Variants in GALNT9 observed in about 807,000 individuals in gnomAD.
The protein encoded by GALNT9 is GalNAc transferase 9.
GALNT9 carries 47 observed loss-of-function variants against 63.1 expected under a neutral mutation model. The ratio of observed to expected loss-of-function variants is 0.75; its 90% CI spans 0.59 to 0.95. The LOEUF (loss-of-function observed/expected upper bound fraction) is 0.95. Ranked by LOEUF, GALNT9 falls within the 40% of genes least tolerant of loss-of-function variation. The probability of loss-of-function intolerance (pLI) is 0.00; values close to 1 mark genes in which losing one functional copy is unlikely to be tolerated. For missense variants in GALNT9, 829 were observed against 874.8 expected (o/e 0.95, Z 0.66); for synonymous variants, 396 against 365.7 (o/e 1.08, Z -0.94).
intron 6 of GALNT9, among the ~76,000 whole-genome samples, chr12:132,216,963 G>A (rs1006510131): frequency 1.3e-5 from 2 of 152,194 alleles, no homozygotes; most frequent in Non-Finnish European, 2.9e-5. Flanking sequence ...TGGGTGTTGT[G>A]ATCCACTAAA....
At chr12:132,308,420 C>T (rs1047226929) in intron 1 of GALNT9, among the ~76,000 whole-genome samples, 10 of 152,350 alleles carry the variant, frequency 6.6e-5, no homozygotes, top group Middle Eastern at 6.8e-3. Flanking sequence ...CGGGCCCCAG[C>T]GCTGCCCTTG....
At chr12:132,203,783 C>T in intron 6 of GALNT9, 93 bp from the exon 7 acceptor site, 2 of 1,378,982 alleles carry the variant, frequency 1.5e-6, no homozygotes, top group South Asian at 2.5e-5. Context: ...AGGGGCCCGG[C>T]CCTCTGTTCC....
chr12:132,292,671 A>C (rs2135567997), intron 1 of GALNT9, among the ~76,000 whole-genome samples: 1 of 152,344 alleles, frequency 6.6e-6, no homozygotes, highest in Non-Finnish European at 1.5e-5. Flanking sequence ...ACCAGGCTCC[A>C]CTGCCTCCTG....
intron 1 of GALNT9, among the ~76,000 whole-genome samples, chr12:132,321,437 C>T (rs188576600): frequency 3.7e-4 from 56 of 152,312 alleles, no homozygotes; most frequent in Middle Eastern, 3.4e-3. Context: ...AGTGCCCCCA[C>T]AAAACAGGCA....
intron 6 of GALNT9, among the ~76,000 whole-genome samples, chr12:132,215,679 C>T (rs10736919): frequency 0.59 from 90,310 of 152,124 alleles, 27,006 homozygotes; most frequent in East Asian, 0.78. Context: ...AACCAGCACC[C>T]GGGTCCCACG....
chr12:132,309,628 T>C (rs1555244991), intron 1 of GALNT9, among the ~76,000 whole-genome samples: 1 of 152,202 alleles, frequency 6.6e-6, no homozygotes. Context: ...ATGCCACGAC[T>C]GCCCAGTGTC....
At chr12:132,206,702 G>A (rs1041197356) in intron 6 of GALNT9, among the ~76,000 whole-genome samples, 1 of 151,606 alleles carries the variant, frequency 6.6e-6, no homozygotes, top group Admixed American at 6.6e-5. Context: ...TGCTGGTGCC[G>A]CTGAGGGAGG....
rs1324687351 is a variant in GALNT9 at position 132,235,114 on chromosome 12, G to C, written c.1077+12796C>G. The stretch of plus-strand genomic sequence containing the variant: ...TAGTGCCACACACTCGATGGCGTGA[G>C]AGAGGAGACAGCGTGGAGTCCCTAG... On this transcript the variant is annotated intron_variant, in intron 6 of 10. Coordinates refer to ENST00000328957, the MANE Select transcript of GALNT9 (RefSeq NM_001122636.2). Among the ~76,000 whole-genome samples the C allele has an allele frequency of 1.8e-3, 147 of 81,988 alleles. 12 individuals are homozygous for C. The highest frequency in any genetic ancestry group is 6.1e-3 in the African/African-American group (93 of 15,164). The allele number at this position is 81,988 out of a possible 152,430, so 53.8% of individuals were successfully genotyped here. A position where few individuals can be genotyped will look rare whatever the true frequency, so the allele number is the denominator to read the frequency against.
At chr12:132,208,479 CAGAA>C (rs1876820049) in intron 6 of GALNT9, among the ~76,000 whole-genome samples, 1 of 152,260 alleles carries the variant, frequency 6.6e-6, no homozygotes, top group Non-Finnish European at 1.5e-5. Flanking sequence ...CTTGGACCAA[CAGAA>C]AGGGCCAGAA....
intron 6 of GALNT9, among the ~76,000 whole-genome samples, chr12:132,242,035 G>A (rs1425755127): frequency 0.012 from 109 of 8,932 alleles, no homozygotes; most frequent in Middle Eastern, 0.083. Context: ...CCCTTCCCGG[G>A]GCCCTCCCTA....
chr12:132,329,393 C>T lies in GALNT9; in HGVS notation c.-190G>A. 2.3e-5 allele frequency: 18 copies of T among 774,340 alleles called. No individual in the cohort carries two copies. Among genetic ancestry groups the T allele is most frequent in the Non-Finnish European group, 3.2e-5 (18 of 559,932 alleles). 48.0% of individuals were successfully genotyped at this position (774,340 alleles called of 1,614,324 possible). ...CGGCCGCCGGGGGTCCCCCAGAGCG[C>T]AGAGGGCTGCCCGGGGCTGGGGTCG... is the stretch of plus-strand genomic sequence containing the variant. On this transcript the variant is annotated 5_prime_UTR_variant, in exon 1 of 11. Transcript: ENST00000328957.
At chr12:132,239,487 TACAG>T (rs1330427061) in intron 6 of GALNT9, among the ~76,000 whole-genome samples, 1 of 59,956 alleles carries the variant, frequency 1.7e-5, no homozygotes, top group Non-Finnish European at 3.7e-5. Context: ...GAGACAGAGA[TACAG>T]AGAGACAGAG....
At position 132,203,544 on chromosome 12, in the gene GALNT9, G is replaced by C. The variant is rs749416974; in HGVS notation, c.1224C>G (p.Phe408Leu). The change falls in exon 7 of 11, where the codon TTC (phenylalanine) becomes TTG (leucine). Residue 408 changes from phenylalanine (F) to leucine (L), a missense_variant. Phe to Leu is a conservative substitution (Grantham distance 22, BLOSUM62 0). Transcript: ENST00000328957. ...TCCAGGCCATGTACACGTGGGACTT[G>C]AAGTCATCCATCCACACCTCGGCGG... is the stretch of plus-strand genomic sequence containing the variant. ...LRAAEVWMDD[F>L]KSHVYMAWNI... The C allele has an allele frequency of 9.3e-6, 15 of 1,614,012 alleles. No homozygotes were observed. Among genetic ancestry groups the C allele is most frequent in the African/African-American group, 1.3e-5 (1 of 75,074 alleles).
chr12:132,224,722 CCCATACA>C (rs1246108108), intron 6 of GALNT9, among the ~76,000 whole-genome samples: 1 of 144,358 alleles, frequency 6.9e-6, no homozygotes, highest in East Asian at 2.1e-4. Flanking sequence ...AGACATACGC[CCCATACA>C]CCATACACAC....
intron 1 of GALNT9, among the ~76,000 whole-genome samples, chr12:132,325,156 G>A (rs564453541): frequency 3.2e-4 from 49 of 152,366 alleles, no homozygotes; most frequent in Non-Finnish European, 3.8e-4. Flanking sequence ...GTGGGGTGAC[G>A]CCTGCTGGAG....
At chr12:132,222,729 C>T (rs1877496231) in intron 6 of GALNT9, among the ~76,000 whole-genome samples, 2 of 151,844 alleles carry the variant, frequency 1.3e-5, no homozygotes, top group African/African-American at 4.8e-5. Flanking sequence ...CCATCGGCTC[C>T]TGAGTGCTGC....
Position 132,225,660 on chromosome 12 carries a change from A to ACACACACACTC in GALNT9, c.1078-21981_1078-21971dup, listed in dbSNP as rs1370280473. On this transcript the variant is annotated intron_variant, in intron 6 of 10. Coordinates refer to ENST00000328957, the MANE Select transcript of GALNT9 (RefSeq NM_001122636.2). ...CCCACACACTGTATATACACACCCC[A>ACACACACACTC]CACACACACTCCACACACTGTACGT... is the stretch of plus-strand genomic sequence containing the variant. Among the ~76,000 whole-genome samples, 3 of 141,238 alleles carry ACACACACACTC rather than the reference A, an allele frequency of 2.1e-5. No homozygotes were observed. In the East Asian group the frequency reaches 6.4e-4, roughly 30 times the overall value. The allele number at this position is 141,238 out of a possible 152,430, so 92.7% of individuals were successfully genotyped here.
chr12:132,208,743 G>T (rs1876830693), intron 6 of GALNT9, among the ~76,000 whole-genome samples: 1 of 152,222 alleles, frequency 6.6e-6, no homozygotes, highest in Admixed American at 6.5e-5. Flanking sequence ...ACCCAGAGTT[G>T]TGGGCCAAGG....
intron 1 of GALNT9, among the ~76,000 whole-genome samples, chr12:132,303,410 C>T (rs1405450871): frequency 1.4e-5 from 2 of 146,952 alleles, no homozygotes; most frequent in African/African-American, 5.0e-5. Flanking sequence ...GGCACACCCT[C>T]ACCCGGGCAC....
Sources: gnomAD v4.1 joint callset for allele counts (sites outside exome capture counted in the v4.1 genomes callset) on GRCh38, gnomAD v4.1.1 for gene constraint, MANE v1.5 for transcripts, NCBI Gene and HGNC (gene_info 2026-07-23, HGNC 2026-07-21) for gene names.